The following CDC42BPB variants were observed in gnomAD, a reference collection of about 807,000 sequenced individuals.
The protein encoded by CDC42BPB is serine/threonine-protein kinase MRCK beta.
A neutral mutation model predicts 214.9 loss-of-function variants in CDC42BPB; 37 were observed. The observed-to-expected ratio is 0.17, with a 90% CI of 0.13 to 0.23. The LOEUF is 0.23. Ranked by LOEUF, CDC42BPB falls within the 10% of genes least tolerant of loss-of-function variation. The pLI, the probability that CDC42BPB is intolerant of heterozygous loss-of-function variation, is 1.00. For missense variants in CDC42BPB, 1,694 were observed against 2,227.0 expected (o/e 0.76, Z 4.82); for synonymous variants, 931 against 884.0 (o/e 1.05, Z -0.94).
chr14:103,051,085 A>G (rs529271845), intron 1 of CDC42BPB, among the ~76,000 whole-genome samples: 1 of 143,872 alleles, frequency 7.0e-6, no homozygotes, highest in Admixed American at 7.3e-5. Flanking sequence ...CTAACCCCCA[A>G]CACAGATTGT....
At chr14:102,990,456 A>G (rs1166712551) in intron 5 of CDC42BPB, among the ~76,000 whole-genome samples, 1 of 152,162 alleles carries the variant, frequency 6.6e-6, no homozygotes, top group Non-Finnish European at 1.5e-5. Context: ...GCACGTACTA[A>G]CGGTGCTGGG....
chr14:102,939,394 G>A (rs1026769093), intron 34 of CDC42BPB, among the ~76,000 whole-genome samples: 1 of 152,258 alleles, frequency 6.6e-6, no homozygotes, highest in African/African-American at 2.4e-5. Context: ...TCACTGCCCA[G>A]GGCGGCCCGA....
At position 102,933,781 on chromosome 14, in the gene CDC42BPB, C is replaced by T. The variant is rs376036277; in HGVS notation, c.5067G>A (p.Pro1689=). 1.3e-5 allele frequency: 20 copies of T among 1,500,728 alleles called. No individual in the cohort carries two copies. Among genetic ancestry groups the T allele is most frequent in the Admixed American group, 5.8e-5 (2 of 34,302 alleles). 93.0% of individuals were successfully genotyped at this position (1,500,728 alleles called of 1,614,324 possible). A position where few individuals can be genotyped will look rare whatever the true frequency, so the allele number is the denominator to read the frequency against. Residue 1689 remains proline (P), a synonymous_variant, in exon 37 of 37, where the codon CCG becomes CCA. Coordinates refer to ENST00000361246, the MANE Select transcript of CDC42BPB (RefSeq NM_006035.4). The part of the protein sequence containing the change: ...PSNSSNPSGP[P]SPNSPHRSQL... ...GGCTCCTGTGGGGGGAGTTGGGGCT[C>T]GGTGGGCCGCTGGGGTTGGAGCTAT...
At chr14:103,035,997 A>G (rs1887642247) in intron 1 of CDC42BPB, among the ~76,000 whole-genome samples, 1 of 151,996 alleles carries the variant, frequency 6.6e-6, no homozygotes, top group South Asian at 2.1e-4. Flanking sequence ...ACAAAAATAC[A>G]AAAATTAGCC....
At chr14:103,052,808 T>G (rs1315736803) in intron 1 of CDC42BPB, among the ~76,000 whole-genome samples, 2 of 152,226 alleles carry the variant, frequency 1.3e-5, no homozygotes, top group Admixed American at 6.5e-5. Context: ...CACTGTGGCC[T>G]GTCCAATGCC....
chr14:102,958,894 A>G (rs1057333142), intron 21 of CDC42BPB, among the ~76,000 whole-genome samples: 5 of 151,504 alleles, frequency 3.3e-5, no homozygotes, highest in African/African-American at 1.2e-4. Context: ...GCTCGTCTTG[A>G]ACTCCTGGGC....
At chr14:103,028,275 G>T (rs10137179) in intron 1 of CDC42BPB, among the ~76,000 whole-genome samples, 1 of 152,096 alleles carries the variant, frequency 6.6e-6, no homozygotes, top group Non-Finnish European at 1.5e-5. Flanking sequence ...AGTATTAAAG[G>T]TATTTAAAAA....
At chr14:103,055,717 A>G (rs1595205616) in intron 1 of CDC42BPB, among the ~76,000 whole-genome samples, 1 of 152,258 alleles carries the variant, frequency 6.6e-6, no homozygotes, top group African/African-American at 2.4e-5. Context: ...GAAGCCCTCT[A>G]AAGAATATTG....
At chr14:103,000,696 C>T (rs137991117) in intron 4 of CDC42BPB, among the ~76,000 whole-genome samples, 5 of 152,178 alleles carry the variant, frequency 3.3e-5, no homozygotes, top group African/African-American at 4.8e-5. Context: ...GTTTATCAGC[C>T]GGGGCAGGGA....
In CDC42BPB at chr14:102,944,397, T is replaced by C; in HGVS notation, c.3902A>G (p.His1301Arg). ...CGACCACGGATAGAGGTGCACATGG[T>C]GGTTCCGGCCACAGAGGAGGATTAC... Reference protein sequence around the residue: ...KIVILLCGRNHHVHLYPWSSL... With the variant: ...KIVILLCGRNRHVHLYPWSSL... Residue 1301 changes from histidine to arginine, a missense_variant, in exon 30 of 37, where the codon CAC becomes CGC. His to Arg is a conservative substitution (Grantham distance 29, BLOSUM62 0). Coordinates refer to ENST00000361246, the MANE Select transcript of CDC42BPB (RefSeq NM_006035.4). This position sits in a 1 kb window ranked among gnomAD's most constrained non-coding sequence, Gnocchi z 6.6. 6.2e-7 allele frequency: 1 copy of C among 1,613,100 alleles called. No homozygotes were observed. Among genetic ancestry groups the C allele is most frequent in the Non-Finnish European group, 8.5e-7 (1 of 1,179,996 alleles).
At chr14:103,014,552 A>G (rs1249567033) in intron 1 of CDC42BPB, among the ~76,000 whole-genome samples, 1 of 152,092 alleles carries the variant, frequency 6.6e-6, no homozygotes, top group Non-Finnish European at 1.5e-5. Flanking sequence ...GCGATCTGAC[A>G]CTTCCTGGGC....
chr14:103,016,330 C>T (rs558665233), intron 1 of CDC42BPB, among the ~76,000 whole-genome samples: 1 of 152,372 alleles, frequency 6.6e-6, no homozygotes, highest in East Asian at 1.9e-4. Context: ...CAGGAAGCTG[C>T]AAGTCGTCCT....
chr14:102,941,094 G>A (rs1173437690), intron 30 of CDC42BPB: 3 of 976,860 alleles, frequency 3.1e-6, no homozygotes, highest in East Asian at 2.3e-4. Context: ...TGTGCCACAC[G>A]ACAAGGGAGC....
At chr14:102,960,603 C>T (rs1892914229) in intron 20 of CDC42BPB, among the ~76,000 whole-genome samples, 2 of 152,092 alleles carry the variant, frequency 1.3e-5, no homozygotes, top group Admixed American at 1.3e-4. Flanking sequence ...GAGTGAGACC[C>T]TGTCACACAC....
rs559179603 is a variant in CDC42BPB at position 103,008,291 on chromosome 14, C to T, written c.351+181G>A. ...TCCAGCAAGCAAGTGGTCGCTGAGG[C>T]GGGGAGCAGCAGGCGCCAGGGAGGA... is the stretch of plus-strand genomic sequence containing the variant. On this transcript the variant is annotated intron_variant, in intron 3 of 36. Transcript: ENST00000361246. Among the ~76,000 whole-genome samples, 218 of 152,288 alleles carry T rather than the reference C, an allele frequency of 1.4e-3. 1 individual carries two copies. The highest frequency in any genetic ancestry group is 4.8e-3 in the African/African-American group (201 of 41,558).
At chr14:102,934,935 A>G (rs375901069) in intron 36 of CDC42BPB, among the ~76,000 whole-genome samples, 23 of 148,346 alleles carry the variant, frequency 1.6e-4, no homozygotes, top group East Asian at 6.2e-4. Context: ...GCGTGAACCC[A>G]GGAGGCGGAG....
At chr14:102,959,803 C>A in intron 20 of CDC42BPB, 93 bp from the exon 21 acceptor site, 1 of 1,306,010 alleles carries the variant, frequency 7.7e-7, no homozygotes, top group South Asian at 1.5e-5. Context: ...TGTCAATTCT[C>A]CTTGAGTAAC....
At chr14:103,031,434 G>C (rs1304535974) in intron 1 of CDC42BPB, among the ~76,000 whole-genome samples, 1 of 152,120 alleles carries the variant, frequency 6.6e-6, no homozygotes, top group East Asian at 1.9e-4. Flanking sequence ...GTCAGCAAAT[G>C]TTTAACATTT....
In CDC42BPB at chr14:103,053,219, G is replaced by A. The variant is rs1419335728; in HGVS notation, c.175+3780C>T. On this transcript the variant is annotated intron_variant, in intron 1 of 36. Coordinates refer to ENST00000361246, the MANE Select transcript of CDC42BPB (RefSeq NM_006035.4). Reference sequence around the variant, plus strand: ...AAAAATTAGCCAGGCGTGGTGGCAGGCACCTATAATCCCAGCTACTCGGGA... The same window carrying A: ...AAAAATTAGCCAGGCGTGGTGGCAGACACCTATAATCCCAGCTACTCGGGA... Among the ~76,000 whole-genome samples the A allele has an allele frequency of 2.6e-5, 4 of 151,968 alleles. No homozygotes were observed. In the East Asian group the frequency reaches 5.8e-4, roughly 22 times the overall value.
Sources: allele counts gnomAD v4.1 joint callset (sites outside exome capture counted in the v4.1 genomes callset), GRCh38; gene constraint gnomAD v4.1.1; non-coding constraint Gnocchi (gnomAD v3.1); transcripts MANE v1.5; gene names NCBI Gene and HGNC (gene_info 2026-07-23, HGNC 2026-07-21).